The following NLRP4 variants were observed in gnomAD, a reference collection of about 807,000 sequenced individuals.
NLRP4 encodes the protein NLR family pyrin domain containing 4.
NLRP4 carries 44 observed loss-of-function variants against 84.7 expected under a neutral mutation model. The observed-to-expected ratio is 0.52, with a 90% CI of 0.41 to 0.67. The LOEUF (loss-of-function observed/expected upper bound fraction) is 0.67, where lower values mean the gene tolerates loss of function less well. NLRP4 is among the 30% of genes least tolerant of loss of function. NLRP4 has a pLI of 0.00. For missense variants in NLRP4, 1,260 were observed against 1,219.4 expected, an observed-to-expected ratio of 1.03 and a Z score of -0.50; for synonymous variants, 544 against 476.4, an observed-to-expected ratio of 1.14 and a Z score of -1.85.
chr19:55,852,349 G>C lies in NLRP4; in HGVS notation c.269G>C (p.Arg90Thr), dbSNP rs1984198673. The C allele has an allele frequency of 6.3e-7, 1 of 1,598,502 alleles. No homozygotes were observed. The highest frequency in any genetic ancestry group is 2.2e-5 in the East Asian group (1 of 44,628). Residue 90 changes from arginine to threonine, a missense_variant, in exon 2 of 10, where the codon AGG becomes ACG. Around this residue, in one of 3 missense-constraint regions of NLRP4, gnomAD observed 712 missense variants for 669.2 expected, o/e 1.06. Coordinates refer to ENST00000301295, the MANE Select transcript of NLRP4 (RefSeq NM_134444.5). ...AAGGATCTCTGCATGAAGGTCATGA[G>C]GGAGAGAACAGGTGAGGGAGTCTGG... ...DRKDLCMKVM[R>T]ERTGYTKTYQ... is the part of the protein sequence containing the mutation.
intron 5 of NLRP4, among the ~76,000 whole-genome samples, chr19:55,863,993 C>G (rs1203174211): frequency 3.3e-5 from 5 of 152,132 alleles, no homozygotes; most frequent in Admixed American, 1.3e-4. Flanking sequence ...AGACCCAAAC[C>G]CTTTTTTAAA....
intron 1 of NLRP4, among the ~76,000 whole-genome samples, chr19:55,843,037 G>A (rs911357140): frequency 4.6e-5 from 7 of 152,300 alleles, no homozygotes; most frequent in Admixed American, 4.6e-4. Flanking sequence ...GGGATTACAG[G>A]CGTCAGCCAC....
In NLRP4 at chr19:55,858,127, C is replaced by A; in HGVS notation, c.734C>A (p.Ser245Ter). The A allele has an allele frequency of 6.2e-7, 1 of 1,614,156 alleles. No individual in the cohort carries two copies. The highest frequency in any genetic ancestry group is 1.1e-5 in the South Asian group (1 of 91,084). ...CAGGGCGGCTTGAACGAACCCGATT[C>A]GGATCTGTGTGGTGACTTGATGGAG... ...ELQGGLNEPD[S>*]DLCGDLMEKR... Residue 245 changes from serine to a stop codon, truncating the protein, a stop_gained, in exon 3 of 10, where the codon TCG (serine) becomes TAG (stop). Transcript: ENST00000301295. LOFTEE classifies it high-confidence loss of function. This position sits in a 1 kb window ranked among gnomAD's most constrained non-coding sequence, Gnocchi z 4.2.
chr19:55,877,345 C>G (rs1328193780), intron 8 of NLRP4, among the ~76,000 whole-genome samples, 179 bp downstream of exon 8: 1 of 152,156 alleles, frequency 6.6e-6, no homozygotes, highest in African/African-American at 2.4e-5. Flanking sequence ...GCTGCTGGCT[C>G]TGCTTGTCTG....
chr19:55,880,445 C>T (rs1254762903), intron 9 of NLRP4, among the ~76,000 whole-genome samples: 1 of 152,202 alleles, frequency 6.6e-6, no homozygotes, highest in Admixed American at 6.5e-5. Flanking sequence ...CTTTGATTAT[C>T]AGCCTCCTAT....
At chr19:55,854,077 C>A (rs1258428152) in intron 2 of NLRP4, among the ~76,000 whole-genome samples, 1 of 152,110 alleles carries the variant, frequency 6.6e-6, no homozygotes, top group African/African-American at 2.4e-5. Flanking sequence ...TCAAGTGATT[C>A]TCCTGCCTCA....
At chr19:55,838,035 C>CCAAAAAAAA (rs59078329) in intron 1 of NLRP4, among the ~76,000 whole-genome samples, 14 of 132,696 alleles carry the variant, frequency 1.1e-4, no homozygotes, top group African/African-American at 1.5e-4. Context: ...GACTCGGTCT[C>CCAAAAAAAA]AAGCTGGATG....
intron 1 of NLRP4, among the ~76,000 whole-genome samples, chr19:55,842,829 A>G (rs757563814): frequency 1.3e-4 from 20 of 151,906 alleles, no homozygotes; most frequent in Non-Finnish European, 2.2e-4. Flanking sequence ...GTGCGATCTC[A>G]GCTCACTGCA....
intron 6 of NLRP4, 77 bp from the exon 7 acceptor site, chr19:55,870,750 T>A: frequency 1.9e-6 from 2 of 1,028,132 alleles, no homozygotes; most frequent in Non-Finnish European, 3.0e-6. Context: ...AATATTACCC[T>A]GAATGTGAAA....
rs543632482 is a variant in NLRP4 at position 55,836,591 on chromosome 19, C to G, written c.-409C>G. The G allele has an allele frequency of 6.6e-6, 1 of 152,430 alleles. No homozygotes were observed. The highest frequency in any genetic ancestry group is 1.5e-5 in the Non-Finnish European group (1 of 68,140). The allele number at this position is 152,430 out of a possible 1,614,324, so 9.4% of individuals were successfully genotyped here. On this transcript the variant is annotated 5_prime_UTR_variant, in exon 1 of 10. Coordinates refer to ENST00000301295, the MANE Select transcript of NLRP4 (RefSeq NM_134444.5). ...AGTCAGCGCTTCGTGCTGGGCTGTT[C>G]GTCTCTTCTATGTGCTGATTTCCTG... is the stretch of plus-strand genomic sequence containing the variant.
chr19:55,870,892 A>C lies in NLRP4; in HGVS notation c.2420A>C (p.Lys807Thr), dbSNP rs770786832. ...ATCTCTGAAATGCTTCTGCGTAACA[A>C]GAGCGTGCGCTATCTAGACCTCAGT... ...EYISEMLLRN[K>T]SVRYLDLSAN... is the part of the protein sequence containing the mutation. Residue 807 changes from lysine to threonine, a missense_variant, in exon 7 of 10, where the codon AAG becomes ACG. Physicochemically the swap from Lys to Thr is moderately conservative, Grantham distance 78 (BLOSUM62 -1). Coordinates refer to ENST00000301295, the MANE Select transcript of NLRP4 (RefSeq NM_134444.5). 6.2e-7 allele frequency: 1 copy of C among 1,614,138 alleles called. No homozygotes were observed.
At chr19:55,868,013 C>T (rs1449301879) in intron 6 of NLRP4, 137 bp downstream of exon 6, 1 of 753,000 alleles carries the variant, frequency 1.3e-6, no homozygotes, top group African/African-American at 1.8e-5. Context: ...TCAGAAAAGA[C>T]TTGAGTTCTA....
chr19:55,842,048 A>T (rs1224976294), intron 1 of NLRP4, among the ~76,000 whole-genome samples: 1 of 152,170 alleles, frequency 6.6e-6, no homozygotes, highest in Non-Finnish European at 1.5e-5. Context: ...TTACATTCCT[A>T]CCAATGGTGT....
intron 1 of NLRP4, among the ~76,000 whole-genome samples, chr19:55,848,172 G>T (rs1005224194): frequency 2.0e-5 from 3 of 152,066 alleles, no homozygotes; most frequent in Admixed American, 2.0e-4. Context: ...GGTATTTGTG[G>T]GACATCATTC....
intron 3 of NLRP4, among the ~76,000 whole-genome samples, chr19:55,860,134 C>A (rs899569657): frequency 5.3e-5 from 8 of 151,692 alleles, no homozygotes; most frequent in Admixed American, 3.3e-4. Context: ...TAGAGGGGCC[C>A]GCCACCACAC....
At chr19:55,839,308 AGTGT>A (rs59705356) in intron 1 of NLRP4, among the ~76,000 whole-genome samples, 1 of 151,350 alleles carries the variant, frequency 6.6e-6, no homozygotes, top group Non-Finnish European at 1.5e-5. Flanking sequence ...CCTCAGTTTG[AGTGT>A]GTGTGTGTGC....
In NLRP4 at chr19:55,850,331, G is replaced by A. The variant is rs376453123; in HGVS notation, c.-65-1685G>A. ...TGTCCGTGGCTGCGGTGTAATTTCCGAGGCTGCGGTGTAATTTCCGAGGCT... is the reference window on the plus strand; with the variant it reads ...TGTCCGTGGCTGCGGTGTAATTTCCAAGGCTGCGGTGTAATTTCCGAGGCT... On this transcript the variant is annotated intron_variant, in intron 1 of 9. Transcript: ENST00000301295. 1.1e-4 allele frequency among the ~76,000 whole-genome samples: 7 copies of A among 65,904 alleles called. No homozygotes were observed. In the East Asian group the frequency reaches 2.0e-3, roughly 19 times the overall value. 43.2% of individuals were successfully genotyped at this position (65,904 alleles called of 152,430 possible).
chr19:55,856,511 CTTTTTTTTT>C (rs71182923), intron 2 of NLRP4, among the ~76,000 whole-genome samples: 2 of 112,214 alleles, frequency 1.8e-5, no homozygotes, highest in East Asian at 5.1e-4. Context: ...GTTGCTGGAT[CTTTTTTTTT>C]TTTTTTTTTT....
At chr19:55,847,613 C>G (rs1365805612) in intron 1 of NLRP4, among the ~76,000 whole-genome samples, 1 of 151,988 alleles carries the variant, frequency 6.6e-6, no homozygotes, top group East Asian at 1.9e-4. Flanking sequence ...CTAGTAACGA[C>G]TTTCGTTACC....
Sources: allele counts gnomAD v4.1 joint callset (sites outside exome capture counted in the v4.1 genomes callset), GRCh38; gene constraint gnomAD v4.1.1; regional missense constraint gnomAD v4.1.1; non-coding constraint Gnocchi (gnomAD v3.1); transcripts MANE v1.5; gene names NCBI Gene and HGNC (gene_info 2026-07-23, HGNC 2026-07-21).